Variants in ANTXR1 observed in about 807,000 individuals in gnomAD.
ANTXR1 encodes anthrax toxin receptor 1.
In ANTXR1, 19 loss-of-function variants were observed where a neutral mutation model predicts 78.1. The ratio of observed to expected loss-of-function variants is 0.24; its 90% confidence interval spans 0.17 to 0.36. ANTXR1 has a LOEUF of 0.36. ANTXR1 is among the 10% of genes least tolerant of loss of function. The pLI is 1.00. For synonymous variants in ANTXR1, 273 were observed against 260.5 expected, an observed-to-expected ratio of 1.05 and a Z score of -0.46; for missense variants, 518 against 718.6, an observed-to-expected ratio of 0.72 and a Z score of 3.19.
In ANTXR1 at chr2:69,245,774, ATG is replaced by A. The variant is rs1203889907; in HGVS notation, c.*291_*292del. 1 of 389,184 alleles carries A rather than the reference ATG, an allele frequency of 2.6e-6. No individual in the cohort carries two copies. Among genetic ancestry groups the A allele is most frequent in the African/African-American group, 2.1e-5 (1 of 48,606 alleles). The allele number at this position is 389,184 out of a possible 1,614,324, so 24.1% of individuals were successfully genotyped here. ...ACTGCAAGATGCTCTCAACAGGATTATGTCTCATGGAGACCAGTAAGAAAATC... is the reference window on the plus strand; with the variant it reads ...ACTGCAAGATGCTCTCAACAGGATTATCTCATGGAGACCAGTAAGAAAATC... On this transcript the variant is annotated 3_prime_UTR_variant, in exon 18 of 18. Transcript: ENST00000303714.
At chr2:69,193,560 C>T (rs1198475249) in intron 17 of ANTXR1, 145 bp downstream of exon 17, 1 of 726,522 alleles carries the variant, frequency 1.4e-6, no homozygotes, top group Admixed American at 2.2e-5. Flanking sequence ...GCTAGAATAA[C>T]TCCAGATTTA....
In ANTXR1 at chr2:69,152,270, T is replaced by C. The variant is rs1354595131; in HGVS notation, c.1047+6T>C. 6.2e-7 allele frequency: 1 copy of C among 1,613,892 alleles called. No homozygotes were observed. Among genetic ancestry groups the C allele is most frequent in the African/African-American group, 1.3e-5 (1 of 74,910 alleles). On this transcript the variant is annotated splice_donor_region_variant and intron_variant, in intron 13 of 17. Coordinates refer to ENST00000303714, the MANE Select transcript of ANTXR1 (RefSeq NM_032208.3). ...GGCCCCTCTGCTGCACTGTGGTAAG[T>C]GCCCCAAACCTCAGGCCATGCAAGG...
chr2:69,169,587 T>C (rs769300617), intron 13 of ANTXR1, among the ~76,000 whole-genome samples: 1 of 152,238 alleles, frequency 6.6e-6, no homozygotes, highest in Non-Finnish European at 1.5e-5. Context: ...CATCCAGAGT[T>C]TCCACATGTC....
At chr2:69,063,347 A>T (rs1670302221) in intron 3 of ANTXR1, among the ~76,000 whole-genome samples, 1 of 152,180 alleles carries the variant, frequency 6.6e-6, no homozygotes, top group Non-Finnish European at 1.5e-5. Flanking sequence ...TAGGAAAAAA[A>T]AATGCAATCC....
At chr2:69,037,577 G>C (rs188506914) in intron 1 of ANTXR1, among the ~76,000 whole-genome samples, 5 of 152,036 alleles carry the variant, frequency 3.3e-5, no homozygotes, top group African/African-American at 7.2e-5. Flanking sequence ...TCAAGTGATT[G>C]TCCTGCCTCA....
intron 3 of ANTXR1, among the ~76,000 whole-genome samples, chr2:69,056,054 C>T (rs1037461664): frequency 6.6e-6 from 1 of 152,174 alleles, no homozygotes; most frequent in African/African-American, 2.4e-5. Context: ...CACCCTTCAC[C>T]TGCTACTACT....
At chr2:69,230,987 C>T (rs1467930157) in intron 17 of ANTXR1, among the ~76,000 whole-genome samples, 1 of 152,108 alleles carries the variant, frequency 6.6e-6, no homozygotes, top group Non-Finnish European at 1.5e-5. Flanking sequence ...ACTCCAGTGT[C>T]TGTTGTTTCT....
intron 6 of ANTXR1, among the ~76,000 whole-genome samples, chr2:69,075,362 A>G (rs1670697621): frequency 6.6e-6 from 1 of 152,208 alleles, no homozygotes; most frequent in African/African-American, 2.4e-5. Flanking sequence ...GCCCTTCATC[A>G]AGACTCTACT....
At chr2:69,082,649 A>G (rs576426692) in intron 8 of ANTXR1, among the ~76,000 whole-genome samples, 18 of 152,144 alleles carry the variant, frequency 1.2e-4, no homozygotes, top group Middle Eastern at 6.8e-3. Context: ...GAGATGGGTC[A>G]GCAGCTTTGA....
rs546015806 is a variant in ANTXR1 at position 69,131,167 on chromosome 2, C to T, written c.951+6524C>T. 6.6e-5 allele frequency among the ~76,000 whole-genome samples: 10 copies of T among 152,268 alleles called. No individual in the cohort carries two copies. The East Asian group carries it at 1.9e-3, about 29-fold the overall frequency. ...TTTTGTTCTATTCTATATGTACTTT[C>T]TTTGGGGCCCCTCTTTCTGATATAA... On this transcript the variant is annotated intron_variant, in intron 12 of 17. Transcript: ENST00000303714.
At chr2:69,206,064 G>T (rs1307289307) in intron 17 of ANTXR1, among the ~76,000 whole-genome samples, 1 of 152,046 alleles carries the variant, frequency 6.6e-6, no homozygotes, top group Non-Finnish European at 1.5e-5. Context: ...GTCACGTTGA[G>T]AATCCACAGT....
At chr2:69,022,536 A>C (rs1179932859) in intron 1 of ANTXR1, among the ~76,000 whole-genome samples, 1 of 152,222 alleles carries the variant, frequency 6.6e-6, no homozygotes, top group African/African-American at 2.4e-5. Context: ...TGAAGGAAGA[A>C]ATTGGGAAGC....
At chr2:69,154,696 G>A (rs979116583) in intron 13 of ANTXR1, among the ~76,000 whole-genome samples, 15 of 152,214 alleles carry the variant, frequency 9.9e-5, no homozygotes, top group South Asian at 2.1e-4. Context: ...CCGCATCTCC[G>A]TGCTGGAGGA....
At chr2:69,119,596 G>A (rs1283885969) in intron 10 of ANTXR1, among the ~76,000 whole-genome samples, 2 of 152,198 alleles carry the variant, frequency 1.3e-5, no homozygotes, top group African/African-American at 2.4e-5. Context: ...TCTGGCTTGC[G>A]GTGCAACCTT....
At chr2:69,153,951 T>G (rs1673463311) in intron 13 of ANTXR1, among the ~76,000 whole-genome samples, 2 of 152,144 alleles carry the variant, frequency 1.3e-5, no homozygotes. Flanking sequence ...ACCTCATCGT[T>G]AGATGGTGAA....
chr2:69,080,332 C>CA (rs397947175), intron 8 of ANTXR1, among the ~76,000 whole-genome samples: 2 of 152,156 alleles, frequency 1.3e-5, no homozygotes, highest in African/African-American at 4.8e-5. Context: ...ATTTCCCCCC[C>CA]ATCTGAAGCC....
intron 16 of ANTXR1, among the ~76,000 whole-genome samples, chr2:69,189,060 CTG>C (rs1303794616): frequency 6.6e-6 from 1 of 152,202 alleles, no homozygotes; most frequent in East Asian, 1.9e-4. Context: ...GTTGCAAACA[CTG>C]TTTTTCTAAA....
At chr2:69,237,628 C>T (rs114483004) in intron 17 of ANTXR1, among the ~76,000 whole-genome samples, 360 of 152,260 alleles carry the variant, frequency 2.4e-3, no homozygotes, top group African/African-American at 8.3e-3. Context: ...CACTGTGTTG[C>T]CAGGCTGGTC....
At chr2:69,177,387 T>A (rs559959784) in intron 14 of ANTXR1, among the ~76,000 whole-genome samples, 1 of 152,290 alleles carries the variant, frequency 6.6e-6, no homozygotes, top group South Asian at 2.1e-4. Flanking sequence ...GCTAACCAAG[T>A]GAGTTCACAG....
Sources: gnomAD v4.1 joint callset for allele counts (sites outside exome capture counted in the v4.1 genomes callset) on GRCh38, gnomAD v4.1.1 for gene constraint, MANE v1.5 for transcripts, NCBI Gene and HGNC (gene_info 2026-07-23, HGNC 2026-07-21) for gene names.